UBE3D: variants seen among roughly 807,000 people sequenced by gnomAD.
UBE3D encodes E3 ubiquitin-protein ligase E3D.
In UBE3D, 48 loss-of-function variants were observed where a neutral mutation model predicts 49.6. The ratio of observed to expected loss-of-function variants is 0.97; its 90% CI spans 0.77 to 1.23. The LOEUF is 1.23. Ranked by LOEUF, UBE3D falls within the 50% of genes most tolerant of loss-of-function variation. The pLI, the probability that UBE3D is intolerant of heterozygous loss-of-function variation, is 0.00. For missense variants in UBE3D, 452 were observed against 468.4 expected (o/e 0.96, Z 0.32); for synonymous variants, 189 against 174.2 (o/e 1.08, Z -0.67).
At chr6:83,025,495 G>A (rs532098932) in intron 5 of UBE3D, among the ~76,000 whole-genome samples, 1 of 151,872 alleles carries the variant, frequency 6.6e-6, no homozygotes, top group African/African-American at 2.4e-5. Flanking sequence ...TGCTGGATAC[G>A]CTTATTTATA....
chr6:82,993,219 A>G (rs1038475994), intron 8 of UBE3D, among the ~76,000 whole-genome samples: 1 of 152,146 alleles, frequency 6.6e-6, no homozygotes, highest in Admixed American at 6.5e-5. Context: ...AAATGCATAA[A>G]TATAAATTCT....
intron 9 of UBE3D, chr6:82,893,886 T>C (rs553806763): frequency 6.6e-6 from 1 of 152,228 alleles, no homozygotes; most frequent in Admixed American, 6.5e-5. Context: ...AACTATTCTG[T>C]TAAAAGAAAA....
chr6:83,004,186 T>C (rs1779817714), intron 8 of UBE3D, among the ~76,000 whole-genome samples: 1 of 152,210 alleles, frequency 6.6e-6, no homozygotes, highest in Non-Finnish European at 1.5e-5. Context: ...TAAATTTCAC[T>C]GAATATAGTA....
At chr6:82,970,875 A>C (rs293484) in intron 8 of UBE3D, among the ~76,000 whole-genome samples, 103,842 of 151,800 alleles carry the variant, frequency 0.68, 36,120 homozygotes, top group East Asian at 0.82. Context: ...AAAACAAAAA[A>C]CAAAAACTAG....
downstream of UBE3D, among the ~76,000 whole-genome samples, chr6:82,891,544 C>T (rs6908009): frequency 0.33 from 49,647 of 152,022 alleles, 9,499 homozygotes; most frequent in African/African-American, 0.52. Context: ...ACGTTTCAAA[C>T]TGTGCTTCAT....
At chr6:82,964,556 A>G (rs1296457614) in intron 8 of UBE3D, among the ~76,000 whole-genome samples, 2 of 152,196 alleles carry the variant, frequency 1.3e-5, no homozygotes, top group African/African-American at 2.4e-5. Context: ...AGAGCCTATT[A>G]AAGATATTGA....
intron 8 of UBE3D, among the ~76,000 whole-genome samples, chr6:82,983,633 A>G (rs996219090): frequency 3.3e-5 from 5 of 152,084 alleles, no homozygotes; most frequent in African/African-American, 1.2e-4. Context: ...AATCTCATCA[A>G]TCTTGCATCT....
At chr6:83,053,652 A>G (rs1783620437) in intron 3 of UBE3D, among the ~76,000 whole-genome samples, 2 of 152,236 alleles carry the variant, frequency 1.3e-5, no homozygotes, top group Admixed American at 6.5e-5. Flanking sequence ...AAATGACAAA[A>G]TTAACCTAAT....
At chr6:83,016,091 A>G (rs1780678237) in intron 8 of UBE3D, among the ~76,000 whole-genome samples, 1 of 152,142 alleles carries the variant, frequency 6.6e-6, no homozygotes, top group Non-Finnish European at 1.5e-5. Context: ...TCACATGATA[A>G]AAGCTTTTGT....
Position 82,984,987 on chromosome 6 carries a change from T to A in UBE3D, c.1011-27537A>T, listed in dbSNP as rs367665428. Reference sequence around the variant, plus strand: ...AACCACATCTGACTGTTTTTAAATTTTTTTCTTTCTTCTTCTTCTTCTTTT... The same window carrying A: ...AACCACATCTGACTGTTTTTAAATTATTTTCTTTCTTCTTCTTCTTCTTTT... On this transcript the variant is annotated intron_variant, in intron 8 of 9. Transcript: ENST00000369747. Among the ~76,000 whole-genome samples, 13 of 149,436 alleles carry A rather than the reference T, an allele frequency of 8.7e-5. No individual in the cohort carries two copies. The East Asian group carries it at 2.4e-3, about 28-fold the overall frequency.
chr6:83,021,706 A>C (rs938342783), intron 7 of UBE3D, among the ~76,000 whole-genome samples: 3 of 151,494 alleles, frequency 2.0e-5, no homozygotes, highest in African/African-American at 7.3e-5. Context: ...CTCTACTAAA[A>C]AAATACAAAA....
chr6:83,002,972 G>A (rs888287260), intron 8 of UBE3D, among the ~76,000 whole-genome samples: 1 of 152,136 alleles, frequency 6.6e-6, no homozygotes, highest in Non-Finnish European at 1.5e-5. Context: ...AATAAATTCT[G>A]GGGGTGTATT....
chr6:83,000,450 A>G (rs1779542330), intron 8 of UBE3D, among the ~76,000 whole-genome samples: 2 of 152,142 alleles, frequency 1.3e-5, no homozygotes, highest in South Asian at 2.1e-4. Flanking sequence ...TCTCAAATCT[A>G]TTGCAGCTAC....
intron 9 of UBE3D, among the ~76,000 whole-genome samples, chr6:82,903,802 G>A (rs1224518354): frequency 1.3e-5 from 2 of 152,192 alleles, no homozygotes; most frequent in Non-Finnish European, 2.9e-5. Flanking sequence ...TGTTTTAAAG[G>A]AGGGGTAAAT....
At chr6:82,942,062 A>G (rs188526109) in intron 9 of UBE3D, among the ~76,000 whole-genome samples, 1 of 152,196 alleles carries the variant, frequency 6.6e-6, no homozygotes, top group African/African-American at 2.4e-5. Flanking sequence ...AGAGGAAGAC[A>G]GGAAGATGTG....
intron 3 of UBE3D, among the ~76,000 whole-genome samples, chr6:83,053,359 T>C (rs2127840823): frequency 6.6e-6 from 1 of 152,334 alleles, no homozygotes; most frequent in East Asian, 1.9e-4. Context: ...CTTAGGAACA[T>C]GGCTCAGGAA....
chr6:82,973,100 C>T (rs1049117746), intron 8 of UBE3D, among the ~76,000 whole-genome samples: 12 of 151,924 alleles, frequency 7.9e-5, no homozygotes, highest in Admixed American at 5.9e-4. Context: ...CATTATAGTA[C>T]AAAAGACAAA....
At chr6:82,995,413 TTA>T (rs1779168833) in intron 8 of UBE3D, among the ~76,000 whole-genome samples, 2 of 150,014 alleles carry the variant, frequency 1.3e-5, no homozygotes, top group South Asian at 2.1e-4. Context: ...TCAAAAGAAA[TTA>T]TATAATTTAA....
intron 8 of UBE3D, among the ~76,000 whole-genome samples, chr6:82,996,211 G>C (rs888396824): frequency 2.9e-4 from 44 of 152,082 alleles, no homozygotes; most frequent in African/African-American, 9.7e-4. Context: ...AGATCAGAAA[G>C]CAAGGAGGTG....
Sources: allele counts gnomAD v4.1 joint callset (sites outside exome capture counted in the v4.1 genomes callset), GRCh38; gene constraint gnomAD v4.1.1; transcripts MANE v1.5; gene names NCBI Gene and HGNC (gene_info 2026-07-23, HGNC 2026-07-21).